GALNTL6: variants seen among roughly 807,000 people sequenced by gnomAD.
GALNTL6 encodes the protein polypeptide N-acetylgalactosaminyltransferase like 6.
GALNTL6 carries 46 observed loss-of-function variants against 73.7 expected under a neutral mutation model. The observed-to-expected ratio is 0.62, with a 90% CI of 0.49 to 0.80. The LOEUF (loss-of-function observed/expected upper bound fraction) is 0.80. Among genes scored for constraint, GALNTL6 ranks in the 30% least tolerant of loss-of-function variants. GALNTL6 has a pLI of 0.00. For synonymous variants in GALNTL6, 259 were observed against 263.7 expected, an observed-to-expected ratio of 0.98 and a Z score of 0.17; for missense variants, 604 against 755.0, an observed-to-expected ratio of 0.80 and a Z score of 2.34.
chr4:172,921,936 A>T (rs1431438176), intron 8 of GALNTL6, among the ~76,000 whole-genome samples: 1 of 152,146 alleles, frequency 6.6e-6, no homozygotes, highest in Admixed American at 6.6e-5. Flanking sequence ...CTACTAAAGT[A>T]TGGAGATATG....
intron 5 of GALNTL6, among the ~76,000 whole-genome samples, chr4:172,683,905 C>T (rs376598700): frequency 9.2e-5 from 14 of 152,134 alleles, no homozygotes; most frequent in African/African-American, 3.4e-4. Flanking sequence ...CAACTGCAGG[C>T]ATTACATAGA....
intron 4 of GALNTL6, among the ~76,000 whole-genome samples, chr4:172,313,131 C>G (rs1337287481): frequency 7.5e-6 from 1 of 133,014 alleles, no homozygotes; most frequent in African/African-American, 2.8e-5. Flanking sequence ...CACCCCCACA[C>G]TTCTTTTTTT....
chr4:172,015,923 ATTTTTTTTTTTTTT>A (rs70941375), intron 2 of GALNTL6, among the ~76,000 whole-genome samples: 5 of 44,094 alleles, frequency 1.1e-4, no homozygotes, highest in Admixed American at 4.0e-4. Flanking sequence ...ATCTAATAGG[ATTTTTTTTTTTTTT>A]TTTTTTTTTT....
intron 7 of GALNTL6, among the ~76,000 whole-genome samples, chr4:172,825,078 TTTTCTTTCTTTC>T (rs70944424): frequency 0.094 from 9,922 of 105,540 alleles, 632 homozygotes; most frequent in East Asian, 0.19. Context: ...TTTGGTTATC[TTTTCTTTCTTTC>T]TTTCTTTCTT....
chr4:172,485,877 G>A (rs1302440330), intron 5 of GALNTL6, among the ~76,000 whole-genome samples: 1 of 152,112 alleles, frequency 6.6e-6, no homozygotes, highest in Non-Finnish European at 1.5e-5. Context: ...ACAGTAAAGG[G>A]ATGTGCGTTG....
At chr4:171,933,438 T>C (rs1366100416) in intron 2 of GALNTL6, among the ~76,000 whole-genome samples, 1 of 152,196 alleles carries the variant, frequency 6.6e-6, no homozygotes, top group Non-Finnish European at 1.5e-5. Context: ...TCTATTGTTG[T>C]CTTTACTACT....
At chr4:172,117,506 C>T (rs1045494084) in intron 2 of GALNTL6, among the ~76,000 whole-genome samples, 8 of 152,096 alleles carry the variant, frequency 5.3e-5, no homozygotes, top group South Asian at 2.1e-4. Flanking sequence ...AGGACATCTA[C>T]GTTTGTTTTA....
intron 5 of GALNTL6, among the ~76,000 whole-genome samples, chr4:172,559,058 ATTTTTTTTT>A (rs71592081): frequency 3.9e-5 from 3 of 77,388 alleles, no homozygotes; most frequent in Admixed American, 4.5e-4. Context: ...ATGATAATGG[ATTTTTTTTT>A]TTTTTTTTTT....
At chr4:171,944,142 C>A (rs1490192974) in intron 2 of GALNTL6, among the ~76,000 whole-genome samples, 1 of 151,642 alleles carries the variant, frequency 6.6e-6, no homozygotes, top group African/African-American at 2.4e-5. Context: ...AAAAAGCATC[C>A]AAACACTTTA....
intron 8 of GALNTL6, among the ~76,000 whole-genome samples, chr4:172,895,079 A>G (rs1250998247): frequency 2.0e-5 from 3 of 151,534 alleles, no homozygotes; most frequent in Non-Finnish European, 2.9e-5. Context: ...GTATATGGGT[A>G]TCTTTATAGA....
At chr4:172,384,091 G>A (rs150824261) in intron 5 of GALNTL6, among the ~76,000 whole-genome samples, 112 of 152,146 alleles carry the variant, frequency 7.4e-4, no homozygotes, top group African/African-American at 2.3e-3. Flanking sequence ...TAGTTGTCTG[G>A]TTTTGGTATC....
intron 2 of GALNTL6, among the ~76,000 whole-genome samples, chr4:172,080,211 C>T (rs540461157): frequency 1.3e-5 from 2 of 152,214 alleles, no homozygotes; most frequent in South Asian, 2.1e-4. Context: ...GACAAGCTCT[C>T]GCTTTGTTGC....
Position 172,796,128 on chromosome 4 carries a change from C to T in GALNTL6, c.554-13233C>T, listed in dbSNP as rs923564344. 9.9e-5 allele frequency among the ~76,000 whole-genome samples: 15 copies of T among 151,578 alleles called. 1 individual carries two copies. The South Asian group carries it at 2.3e-3, about 23-fold the overall frequency. On this transcript the variant is annotated intron_variant, in intron 5 of 12. Transcript: ENST00000506823. The stretch of plus-strand genomic sequence containing the variant: ...CCTTCTTTCCAGTTTCCTATATTTT[C>T]CAGGTCTTCTATAATAATTATATAA...
At chr4:172,182,711 T>G (rs1327111116) in intron 2 of GALNTL6, among the ~76,000 whole-genome samples, 1 of 151,996 alleles carries the variant, frequency 6.6e-6, no homozygotes, top group African/African-American at 2.4e-5. Context: ...ACCTGTTGGT[T>G]TGTGTAAATA....
intron 8 of GALNTL6, among the ~76,000 whole-genome samples, chr4:172,888,475 G>A (rs1298519661): frequency 1.3e-5 from 2 of 152,008 alleles, no homozygotes; most frequent in Non-Finnish European, 2.9e-5. Flanking sequence ...TTTGTCAAGT[G>A]GATATCCAGT....
At chr4:172,771,855 T>C (rs978450989) in intron 5 of GALNTL6, among the ~76,000 whole-genome samples, 2 of 152,186 alleles carry the variant, frequency 1.3e-5, no homozygotes, top group Non-Finnish European at 2.9e-5. Flanking sequence ...TTTCAATCTT[T>C]TTTTTTTCTA....
chr4:172,328,296 C>T (rs1433834281), intron 4 of GALNTL6, among the ~76,000 whole-genome samples: 1 of 152,010 alleles, frequency 6.6e-6, no homozygotes, highest in Non-Finnish European at 1.5e-5. Flanking sequence ...AGTGACCTGC[C>T]CTTTTGCCCT....
chr4:172,597,032 A>G (rs1737880535), intron 5 of GALNTL6, among the ~76,000 whole-genome samples: 1 of 152,190 alleles, frequency 6.6e-6, no homozygotes, highest in Non-Finnish European at 1.5e-5. Flanking sequence ...ACATTCTTTT[A>G]ACCTTGCATG....
intron 4 of GALNTL6, among the ~76,000 whole-genome samples, chr4:172,340,134 T>TA (rs1366890289): frequency 1.3e-5 from 2 of 152,328 alleles, no homozygotes; most frequent in South Asian, 2.1e-4. Context: ...GTGGGCTTTT[T>TA]ATATATGGCA....
Sources: allele counts gnomAD v4.1 joint callset (sites outside exome capture counted in the v4.1 genomes callset), GRCh38; gene constraint gnomAD v4.1.1; transcripts MANE v1.5; gene names NCBI Gene and HGNC (gene_info 2026-07-23, HGNC 2026-07-21).